Variants in VGLL3 observed in about 807,000 individuals in gnomAD.
VGLL3 encodes the protein vestigial like family member 3, also known as transcription cofactor vestigial-like protein 3.
In VGLL3, 18 loss-of-function variants were observed where a neutral mutation model predicts 29.2. The observed-to-expected ratio is 0.62, with a 90% CI of 0.43 to 0.91. VGLL3 has a LOEUF of 0.91. Among genes scored for constraint, VGLL3 ranks in the 40% least tolerant of loss-of-function variants. The pLI, the probability that VGLL3 is intolerant of heterozygous loss-of-function variation, is 0.00. For synonymous variants in VGLL3, 180 were observed against 151.8 expected, an observed-to-expected ratio of 1.19 and a Z score of -1.36; for missense variants, 440 against 413.2, an observed-to-expected ratio of 1.06 and a Z score of -0.56.
At chr3:86,982,258 C>A (rs1251236783) in intron 1 of VGLL3, among the ~76,000 whole-genome samples, 1 of 152,126 alleles carries the variant, frequency 6.6e-6, no homozygotes, top group Non-Finnish European at 1.5e-5. Context: ...GATTCTCCTG[C>A]CTCAGCCTCC....
At chr3:86,980,848 A>G (rs530819983) in intron 1 of VGLL3, among the ~76,000 whole-genome samples, 1 of 152,008 alleles carries the variant, frequency 6.6e-6, no homozygotes, top group Non-Finnish European at 1.5e-5. Flanking sequence ...TTTCTATGAA[A>G]AAAAAAAACC....
chr3:86,974,529 TC>T (rs1705169530), intron 2 of VGLL3, among the ~76,000 whole-genome samples: 1 of 152,116 alleles, frequency 6.6e-6, no homozygotes, highest in African/African-American at 2.4e-5. Flanking sequence ...TACATATACT[TC>T]CTATCATTGT....
intron 2 of VGLL3, among the ~76,000 whole-genome samples, chr3:86,977,617 A>T (rs1306036719): frequency 6.6e-6 from 1 of 152,216 alleles, no homozygotes; most frequent in Non-Finnish European, 1.5e-5. Flanking sequence ...TGGTTAAAAC[A>T]CAGATTGCCC....
chr3:86,958,570 C>A (rs557890150), intron 3 of VGLL3, among the ~76,000 whole-genome samples: 16 of 152,152 alleles, frequency 1.1e-4, no homozygotes, highest in African/African-American at 3.6e-4. Context: ...TGGAGGAAAG[C>A]CCACAGAAGC....
intron 3 of VGLL3, 120 bp from the exon 4 acceptor site, chr3:86,947,187 T>C (rs1382108822): frequency 7.3e-6 from 5 of 687,054 alleles, no homozygotes; most frequent in African/African-American, 7.1e-5. Context: ...CAACTGTGAG[T>C]TCTGACCTGA....
At chr3:86,953,096 T>G (rs187100010) in intron 3 of VGLL3, among the ~76,000 whole-genome samples, 1 of 152,248 alleles carries the variant, frequency 6.6e-6, no homozygotes, top group East Asian at 1.9e-4. Context: ...ATATCAAGAT[T>G]AATATATAGG....
Position 86,990,910 on chromosome 3 carries a change from G to A in VGLL3, c.-167C>T. 1 of 1,113,238 alleles carries A rather than the reference G, an allele frequency of 9.0e-7. No homozygotes were observed. 69.0% of individuals were successfully genotyped at this position (1,113,238 alleles called of 1,614,324 possible). A position where few individuals can be genotyped will look rare whatever the true frequency, so the allele number is the denominator to read the frequency against. ...CCTCGGGCTCCGCGCGGGGCGCGGG[G>A]TCGGGAGGGACTGGCAATCAGCGGG... On this transcript the variant is annotated 5_prime_UTR_variant, in exon 1 of 4. Coordinates refer to ENST00000398399, the MANE Select transcript of VGLL3 (RefSeq NM_016206.4).
intron 3 of VGLL3, among the ~76,000 whole-genome samples, chr3:86,955,383 T>A (rs1256909058): frequency 6.8e-6 from 1 of 147,418 alleles, no homozygotes; most frequent in African/African-American, 2.5e-5. Flanking sequence ...TCTCTCTCTT[T>A]TTTTTTTTTT....
At chr3:86,984,649 A>T (rs1013513365) in intron 1 of VGLL3, among the ~76,000 whole-genome samples, 3 of 152,122 alleles carry the variant, frequency 2.0e-5, no homozygotes, top group South Asian at 2.1e-4. Context: ...TTAGGGTATA[A>T]TTTCATTTTT....
In VGLL3 at chr3:86,940,567, CA is replaced by C. The variant is rs1310842391; in HGVS notation, c.*6456del. 6.6e-6 allele frequency: 1 copy of C among 152,316 alleles called. No individual in the cohort carries two copies. Among genetic ancestry groups the C allele is most frequent in the African/African-American group, 2.4e-5 (1 of 41,368 alleles). 9.4% of individuals were successfully genotyped at this position (152,316 alleles called of 1,614,324 possible). Reference sequence around the variant, plus strand: ...GATGCTTAATTGAATAAGGAGGAAACAAAAAGAGCTTTAAATTCTCAAGAAA... The same window carrying C: ...GATGCTTAATTGAATAAGGAGGAAACAAAAGAGCTTTAAATTCTCAAGAAA... On this transcript the variant is annotated 3_prime_UTR_variant, in exon 4 of 4. Coordinates refer to ENST00000398399, the MANE Select transcript of VGLL3 (RefSeq NM_016206.4).
rs1321596042 is a variant in VGLL3, at chr3:86,946,374, T to C, written c.*650A>G. On this transcript the variant is annotated 3_prime_UTR_variant, in exon 4 of 4. Transcript: ENST00000398399. Reference sequence around the variant, plus strand: ...TTACTGAGATTCAATGTAAAAACAATACTGCATTGGTTTGACTACGGTATA... The same window carrying C: ...TTACTGAGATTCAATGTAAAAACAACACTGCATTGGTTTGACTACGGTATA... 1.3e-5 allele frequency: 2 copies of C among 152,080 alleles called. No homozygotes were observed. Among genetic ancestry groups the C allele is most frequent in the Non-Finnish European group, 2.9e-5 (2 of 68,022 alleles). 9.4% of individuals were successfully genotyped at this position (152,080 alleles called of 1,614,324 possible). A position where few individuals can be genotyped will look rare whatever the true frequency, so the allele number is the denominator to read the frequency against.
intron 2 of VGLL3, among the ~76,000 whole-genome samples, chr3:86,973,328 AT>A (rs1559729993): frequency 6.6e-6 from 1 of 152,180 alleles, no homozygotes; most frequent in African/African-American, 2.4e-5. Flanking sequence ...ACATTTTTAC[AT>A]TTTTTATTAA....
At chr3:86,972,682 A>C (rs1413371507) in intron 2 of VGLL3, among the ~76,000 whole-genome samples, 2 of 152,190 alleles carry the variant, frequency 1.3e-5, no homozygotes, top group Non-Finnish European at 2.9e-5. Context: ...GCAATATTAC[A>C]TTTCAGGTGA....
intron 3 of VGLL3, among the ~76,000 whole-genome samples, chr3:86,955,419 G>A (rs1704700970): frequency 8.1e-6 from 1 of 123,320 alleles, no homozygotes; most frequent in African/African-American, 3.2e-5. Flanking sequence ...GTCTCACTCT[G>A]TCACCCAGGC....
At chr3:86,987,672 A>C (rs1256701919) in intron 1 of VGLL3, among the ~76,000 whole-genome samples, 1 of 152,218 alleles carries the variant, frequency 6.6e-6, no homozygotes, top group Non-Finnish European at 1.5e-5. Flanking sequence ...ACCCCACTGT[A>C]GGATTTATAC....
Position 86,968,757 on chromosome 3 carries a change from G to A in VGLL3, c.770C>T (p.Pro257Leu). 6.2e-7 allele frequency: 1 copy of A among 1,614,186 alleles called. No homozygotes were observed. The change falls in exon 3 of 4, where the codon CCA becomes CTA. Residue 257 changes from proline to leucine, a missense_variant. Coordinates refer to ENST00000398399, the MANE Select transcript of VGLL3 (RefSeq NM_016206.4). The stretch of plus-strand genomic sequence containing the variant: ...AGGCATCAGCAGAGGCCCATAGGAT[G>A]GATCCAGGGCAGAGCCAGCAGGAGG... ...HHPPAGSALD[P>L]SYGPLLMPSV...
chr3:86,973,461 C>G (rs72916078), intron 2 of VGLL3, among the ~76,000 whole-genome samples: 237 of 152,266 alleles, frequency 1.6e-3, no homozygotes, highest in African/African-American at 5.3e-3. Flanking sequence ...AGTGAAATGA[C>G]ATGTGTTCCA....
At chr3:86,974,747 T>C (rs1479160952) in intron 2 of VGLL3, among the ~76,000 whole-genome samples, 1 of 152,190 alleles carries the variant, frequency 6.6e-6, no homozygotes, top group East Asian at 1.9e-4. Context: ...TGTAATAACT[T>C]TATGCTGTAA....
At chr3:86,987,654 C>T (rs1056945929) in intron 1 of VGLL3, among the ~76,000 whole-genome samples, 2 of 152,134 alleles carry the variant, frequency 1.3e-5, no homozygotes, top group African/African-American at 2.4e-5. Flanking sequence ...GTAATTTTGG[C>T]TCTATAAACC....
Sources: allele counts gnomAD v4.1 joint callset (sites outside exome capture counted in the v4.1 genomes callset), GRCh38; gene constraint gnomAD v4.1.1; transcripts MANE v1.5; gene names NCBI Gene and HGNC (gene_info 2026-07-23, HGNC 2026-07-21).